The following PKIB variants were observed in gnomAD, a reference collection of about 807,000 sequenced individuals.
PKIB encodes the protein cAMP-dependent protein kinase inhibitor beta.
PKIB carries 2 observed loss-of-function variants against 4.5 expected under a neutral mutation model. The ratio of observed to expected loss-of-function variants is 0.44; its 90% CI spans 0.18 to 1.39. The LOEUF is 1.39. PKIB is among the 40% of genes most tolerant of loss of function. PKIB has a pLI of 0.27. For missense variants in PKIB, 94 were observed against 92.6 expected, an observed-to-expected ratio of 1.02 and a Z score of -0.06; for synonymous variants, 38 against 36.0, an observed-to-expected ratio of 1.06 and a Z score of -0.20.
chr6:122,504,439 T>C (rs1209703478), intron 2 of PKIB, among the ~76,000 whole-genome samples: 5 of 152,226 alleles, frequency 3.3e-5, no homozygotes, highest in African/African-American at 4.8e-5. Flanking sequence ...AAATGGTACT[T>C]ATACCATTAG....
intron 3 of PKIB, among the ~76,000 whole-genome samples, chr6:122,688,921 C>G (rs1378473662): frequency 2.0e-5 from 3 of 151,950 alleles, no homozygotes; most frequent in Non-Finnish European, 4.4e-5. Context: ...GCTGGGACTA[C>G]AGACGCCCGC....
chr6:122,700,048 A>C (rs962713227), intron 3 of PKIB, among the ~76,000 whole-genome samples: 1 of 152,170 alleles, frequency 6.6e-6, no homozygotes, highest in Non-Finnish European at 1.5e-5. Context: ...AAGTTAATTA[A>C]GAACCTATAC....
intron 3 of PKIB, among the ~76,000 whole-genome samples, chr6:122,679,181 A>G (rs957677452): frequency 2.6e-5 from 4 of 152,240 alleles, no homozygotes; most frequent in Non-Finnish European, 4.4e-5. Flanking sequence ...GAGGAAGAGC[A>G]CTTCAGCCAG....
intron 2 of PKIB, chr6:122,652,762 TGAA>T (rs1160739328): frequency 2.0e-5 from 3 of 152,182 alleles, no homozygotes; most frequent in Non-Finnish European, 4.4e-5. Flanking sequence ...CTTGGTTTCT[TGAA>T]GAAGTTGTAG....
intron 3 of PKIB, among the ~76,000 whole-genome samples, chr6:122,691,686 G>A (rs970796660): frequency 6.6e-6 from 1 of 151,836 alleles, no homozygotes; most frequent in African/African-American, 2.4e-5. Context: ...CCCCAGGATT[G>A]GTCCCTGGTA....
intron 2 of PKIB, among the ~76,000 whole-genome samples, chr6:122,543,602 G>T (rs647178): frequency 6.6e-6 from 1 of 151,480 alleles, no homozygotes; most frequent in Non-Finnish European, 1.5e-5. Context: ...CTGGTCTTGA[G>T]CTCCTGACCT....
At chr6:122,558,729 TTTTA>T (rs1176011540) in intron 2 of PKIB, among the ~76,000 whole-genome samples, 2 of 152,166 alleles carry the variant, frequency 1.3e-5, no homozygotes, top group African/African-American at 4.8e-5. Context: ...TTTTTTTAAA[TTTTA>T]TTTTTTAATC....
At chr6:122,676,101 G>T (rs1047393535) in intron 3 of PKIB, among the ~76,000 whole-genome samples, 2 of 151,816 alleles carry the variant, frequency 1.3e-5, no homozygotes, top group African/African-American at 4.8e-5. Flanking sequence ...TCATCACAAT[G>T]TAGAATCAAT....
At chr6:122,512,527 T>G (rs1776615856) in intron 2 of PKIB, among the ~76,000 whole-genome samples, 1 of 152,202 alleles carries the variant, frequency 6.6e-6, no homozygotes, top group African/African-American at 2.4e-5. Context: ...GTTTTCAGCT[T>G]TTTTGAAAAC....
At chr6:122,489,492 G>A (rs768465603) in intron 2 of PKIB, among the ~76,000 whole-genome samples, 3 of 152,094 alleles carry the variant, frequency 2.0e-5, no homozygotes, top group Non-Finnish European at 2.9e-5. Flanking sequence ...AAGTGATTCA[G>A]CTGCCTCAGC....
At chr6:122,541,888 A>G (rs1248374408) in intron 2 of PKIB, among the ~76,000 whole-genome samples, 1 of 151,680 alleles carries the variant, frequency 6.6e-6, no homozygotes, top group Non-Finnish European at 1.5e-5. Flanking sequence ...GTTTCTTTTT[A>G]TTCTTTTTTC....
intron 1 of PKIB, among the ~76,000 whole-genome samples, chr6:122,624,874 G>A (rs1238479878): frequency 6.6e-6 from 1 of 152,172 alleles, no homozygotes; most frequent in African/African-American, 2.4e-5. Flanking sequence ...TGTCTACTAA[G>A]GTTCATGATA....
At chr6:122,710,523 A>G (rs1346543898) in intron 3 of PKIB, among the ~76,000 whole-genome samples, 2 of 152,308 alleles carry the variant, frequency 1.3e-5, no homozygotes, top group East Asian at 3.9e-4. Context: ...TTGGAAAAGC[A>G]ACTAAATGAG....
At chr6:122,564,695 A>G (rs1251895452) in intron 2 of PKIB, among the ~76,000 whole-genome samples, 1 of 152,170 alleles carries the variant, frequency 6.6e-6, no homozygotes, top group Non-Finnish European at 1.5e-5. Context: ...TGCATCATGG[A>G]GGATTTTATT....
intron 3 of PKIB, among the ~76,000 whole-genome samples, chr6:122,698,614 C>T (rs1778673877): frequency 6.6e-6 from 1 of 152,108 alleles, no homozygotes; most frequent in Non-Finnish European, 1.5e-5. Flanking sequence ...CCTAGAGACT[C>T]CAGGAGGCAT....
At chr6:122,698,148 C>T (rs889126486) in intron 3 of PKIB, among the ~76,000 whole-genome samples, 29 of 152,274 alleles carry the variant, frequency 1.9e-4, no homozygotes, top group African/African-American at 7.0e-4. Context: ...CTCTACTGAG[C>T]TCTATCATGT....
At chr6:122,471,944 A>G (rs10456947) in exon 1 of PKIB, 19,609 of 1,167,198 alleles carry the variant, frequency 0.017, 206 homozygotes, top group Non-Finnish European at 0.019. Context: ...ACTAGACGAC[A>G]CGGCTGTCTT....
chr6:122,723,605 C>T (rs1355280079), intron 4 of PKIB, among the ~76,000 whole-genome samples: 1 of 151,986 alleles, frequency 6.6e-6, no homozygotes, highest in African/African-American at 2.4e-5. Flanking sequence ...TTTTCTATTC[C>T]AATTTTCTCT....
At chr6:122,666,659 G>A (rs1477498050) in intron 2 of PKIB, among the ~76,000 whole-genome samples, 1 of 152,170 alleles carries the variant, frequency 6.6e-6, no homozygotes, top group Non-Finnish European at 1.5e-5. Context: ...TCAAGGTAGG[G>A]AGTGAACATC....
Sources: allele counts gnomAD v4.1 joint callset (sites outside exome capture counted in the v4.1 genomes callset), GRCh38; gene constraint gnomAD v4.1.1; transcripts MANE v1.5; gene names NCBI Gene and HGNC (gene_info 2026-07-23, HGNC 2026-07-21).